PRR16: variants seen among roughly 807,000 people sequenced by gnomAD.
The protein encoded by PRR16 is protein Largen.
A neutral mutation model predicts 18.2 loss-of-function variants in PRR16; 6 were observed. The observed-to-expected ratio is 0.33, with a 90% CI of 0.18 to 0.65. The LOEUF is 0.65. Among genes scored for constraint, PRR16 ranks in the 30% least tolerant of loss-of-function variants. The pLI is 0.74. For synonymous variants in PRR16, 151 were observed against 147.8 expected, an observed-to-expected ratio of 1.02 and a Z score of -0.16; for missense variants, 412 against 376.6, an observed-to-expected ratio of 1.09 and a Z score of -0.78.
chr5:120,630,628 C>G (rs1030754303), intron 1 of PRR16, among the ~76,000 whole-genome samples: 2 of 151,828 alleles, frequency 1.3e-5, no homozygotes, highest in Non-Finnish European at 2.9e-5. Flanking sequence ...TGTCTTCTAC[C>G]TTGAATAGAT....
chr5:120,754,303 T>C, the PRR16 span, among the ~76,000 whole-genome samples: 1 of 58,018 alleles, frequency 1.7e-5, no homozygotes, highest in South Asian at 5.5e-4. Context: ...ATATAATATA[T>C]AATATATAAC....
intron 1 of PRR16, among the ~76,000 whole-genome samples, chr5:120,654,397 G>C (rs1441651646): frequency 6.6e-6 from 1 of 151,804 alleles, no homozygotes; most frequent in Non-Finnish European, 1.5e-5. Flanking sequence ...GACTTACTAG[G>C]AGAAGACAAA....
intron 1 of PRR16, among the ~76,000 whole-genome samples, chr5:120,599,083 G>T (rs1301967566): frequency 6.6e-6 from 1 of 151,504 alleles, no homozygotes; most frequent in African/African-American, 2.4e-5. Context: ...ATTATATTTT[G>T]TGCATTCTAC....
At chr5:120,783,475 C>A in the PRR16 span, among the ~76,000 whole-genome samples, 1 of 152,018 alleles carries the variant, frequency 6.6e-6, no homozygotes, top group Admixed American at 6.6e-5. Context: ...TTAAAAACTG[C>A]ATTGAGATCA....
chr5:120,513,586 C>T (rs72788231), intron 1 of PRR16, among the ~76,000 whole-genome samples: 3,524 of 152,188 alleles, frequency 0.023, 52 homozygotes, highest in South Asian at 0.032. Flanking sequence ...CTCAGACATT[C>T]GTTACCCACC....
chr5:120,611,930 G>A (rs1561573566), intron 1 of PRR16, among the ~76,000 whole-genome samples: 1 of 152,178 alleles, frequency 6.6e-6, no homozygotes, highest in Non-Finnish European at 1.5e-5. Context: ...GCTGGTGAGA[G>A]CAGCCAAGAG....
the PRR16 span, among the ~76,000 whole-genome samples, chr5:120,772,201 T>G: frequency 6.6e-6 from 1 of 152,122 alleles, no homozygotes; most frequent in Non-Finnish European, 1.5e-5. Context: ...CATGCAGTAT[T>G]GCAAGCCCTG....
At chr5:120,516,077 G>C (rs78934061) in intron 1 of PRR16, among the ~76,000 whole-genome samples, 4 of 152,014 alleles carry the variant, frequency 2.6e-5, no homozygotes, top group East Asian at 3.9e-4. Context: ...CCACAATGCA[G>C]TTCAAGACTG....
rs201460999 is a variant in PRR16 at position 120,472,435 on chromosome 5, TC to T, written c.159+7796del. ...CATCAGTGGTTCTTAATAGTCTCCC[TC>T]CCCCCATATCACAAACCCCTTTGAA... On this transcript the variant is annotated intron_variant, in intron 1 of 1. Transcript: ENST00000407149. 3.1e-3 allele frequency among the ~76,000 whole-genome samples: 467 copies of T among 151,890 alleles called. 4 individuals are homozygous for T. Among genetic ancestry groups the T allele is most frequent in the African/African-American group, 0.011 (451 of 41,410 alleles).
rs765092787 is a variant in PRR16, at chr5:120,686,028, C to T, written c.234C>T (p.Asp78=). 3.1e-6 allele frequency: 5 copies of T among 1,614,140 alleles called. No homozygotes were observed. In the East Asian group the frequency reaches 1.1e-4, roughly 36 times the overall value. The part of the protein sequence containing the change: ...EDEMTDSSKT[D]TLNSSSSGTT... Reference sequence around the variant, plus strand: ...AGATGACTGACAGCTCCAAAACGGACACGCTGAATAGTAGCTCAAGTGGCA... The same window carrying T: ...AGATGACTGACAGCTCCAAAACGGATACGCTGAATAGTAGCTCAAGTGGCA... The change falls in exon 2 of 2, where the codon GAC becomes GAT. Residue 78 remains aspartate (D), a synonymous_variant. Transcript: ENST00000407149.
intron 1 of PRR16, among the ~76,000 whole-genome samples, chr5:120,673,029 A>C (rs1377427891): frequency 1.3e-5 from 2 of 152,226 alleles, no homozygotes; most frequent in Non-Finnish European, 2.9e-5. Flanking sequence ...ATCACAAGAT[A>C]GGTGATGAAA....
chr5:120,547,928 T>C (rs1486525594), intron 1 of PRR16, among the ~76,000 whole-genome samples: 1 of 151,984 alleles, frequency 6.6e-6, no homozygotes, highest in Non-Finnish European at 1.5e-5. Flanking sequence ...AAGTTTACTT[T>C]AGCAATATGA....
intron 1 of PRR16, among the ~76,000 whole-genome samples, chr5:120,578,957 A>G (rs940485306): frequency 6.6e-6 from 1 of 151,974 alleles, no homozygotes; most frequent in East Asian, 1.9e-4. Flanking sequence ...TTAGCATGAG[A>G]TGGTATCTCA....
At chr5:120,477,116 T>C (rs1193784357) in intron 1 of PRR16, among the ~76,000 whole-genome samples, 1 of 152,186 alleles carries the variant, frequency 6.6e-6, no homozygotes, top group Non-Finnish European at 1.5e-5. Flanking sequence ...TAAACTGAAA[T>C]TTTTATTCTT....
At chr5:120,650,173 T>C (rs889424442) in intron 1 of PRR16, among the ~76,000 whole-genome samples, 1 of 149,676 alleles carries the variant, frequency 6.7e-6, no homozygotes, top group Non-Finnish European at 1.5e-5. Flanking sequence ...GCCAAGATCA[T>C]GCGACTGCAC....
the PRR16 span, among the ~76,000 whole-genome samples, chr5:120,780,727 T>G: frequency 6.6e-6 from 1 of 152,170 alleles, no homozygotes; most frequent in African/African-American, 2.4e-5. Flanking sequence ...AAAAAGTTAC[T>G]ACATCGTAGT....
At chr5:120,742,512 T>G in the PRR16 span, among the ~76,000 whole-genome samples, 1 of 146,232 alleles carries the variant, frequency 6.8e-6, no homozygotes, top group Non-Finnish European at 1.5e-5. Flanking sequence ...TTTAGTTTTA[T>G]TTTTGCTTTA....
chr5:120,700,699 G>C, the PRR16 span, among the ~76,000 whole-genome samples: 2 of 152,114 alleles, frequency 1.3e-5, no homozygotes, highest in African/African-American at 4.8e-5. Context: ...ATGGAGGCAA[G>C]GGAAACAGGC....
the PRR16 span, among the ~76,000 whole-genome samples, chr5:120,701,109 A>G: frequency 6.6e-4 from 101 of 152,310 alleles, no homozygotes; most frequent in East Asian, 4.6e-3. Flanking sequence ...CAGTTCAGGC[A>G]TTTGGAAGTT....
Sources: gnomAD v4.1 joint callset for allele counts (sites outside exome capture counted in the v4.1 genomes callset) on GRCh38, gnomAD v4.1.1 for gene constraint, MANE v1.5 for transcripts, NCBI Gene and HGNC (gene_info 2026-07-23, HGNC 2026-07-21) for gene names.